The following TENM2 variants were observed in gnomAD, a reference collection of about 807,000 sequenced individuals.
TENM2 encodes teneurin-2.
TENM2 carries 52 observed loss-of-function variants against 245.2 expected under a neutral mutation model. The ratio of observed to expected loss-of-function variants is 0.21; its 90% CI spans 0.17 to 0.27. The LOEUF (loss-of-function observed/expected upper bound fraction) is 0.27, where lower values mean the gene tolerates loss of function less well. Among genes scored for constraint, TENM2 ranks in the 10% least tolerant of loss-of-function variants. The probability of loss-of-function intolerance (pLI) is 1.00; values close to 1 mark genes in which losing one functional copy is unlikely to be tolerated. For missense variants in TENM2, 3,046 were observed against 3,666.8 expected (o/e 0.83, Z 4.37); for synonymous variants, 1,363 against 1,438.9 (o/e 0.95, Z 1.19).
At chr5:167,889,676 T>C (rs943476785) in intron 3 of TENM2, among the ~76,000 whole-genome samples, 1 of 152,154 alleles carries the variant, frequency 6.6e-6, no homozygotes, top group Non-Finnish European at 1.5e-5. Flanking sequence ...TTTGTGACTC[T>C]CCCTCTTTCT....
chr5:167,788,850 C>A (rs561417217), intron 2 of TENM2, among the ~76,000 whole-genome samples: 1 of 152,152 alleles, frequency 6.6e-6, no homozygotes, highest in Non-Finnish European at 1.5e-5. Flanking sequence ...AAGTGACTTA[C>A]GTCACTCCTT....
intron 1 of TENM2, among the ~76,000 whole-genome samples, chr5:167,371,702 C>T (rs1479004562): frequency 6.6e-6 from 1 of 151,990 alleles, no homozygotes; most frequent in Non-Finnish European, 1.5e-5. Flanking sequence ...ATGGATTGCA[C>T]TTTGTTTATG....
the TENM2 span, among the ~76,000 whole-genome samples, chr5:167,057,132 G>A: frequency 6.6e-6 from 1 of 152,038 alleles, no homozygotes; most frequent in Non-Finnish European, 1.5e-5. Context: ...CCAGTTAATA[G>A]TATTCTTTAT....
rs1287294283 is a variant in TENM2, at chr5:167,808,832, G to A, written c.503-67154G>A. On this transcript the variant is annotated intron_variant, in intron 2 of 28. Coordinates refer to ENST00000518659, the Ensembl canonical transcript of TENM2. ...TTAAATATTGAGAACTTCAGGAGGA[G>A]GTGTCCTATTCATTCAGTCATTTAT... 2.6e-5 allele frequency among the ~76,000 whole-genome samples: 4 copies of A among 152,060 alleles called. No individual in the cohort carries two copies. In the South Asian group the frequency reaches 8.3e-4, roughly 32 times the overall value.
At chr5:167,445,859 A>G (rs1765178082) in intron 2 of TENM2, among the ~76,000 whole-genome samples, 1 of 152,136 alleles carries the variant, frequency 6.6e-6, no homozygotes, top group South Asian at 2.1e-4. Flanking sequence ...GAGAGAAGCC[A>G]TTTCATTGTA....
chr5:167,761,645 C>T (rs115552551), intron 2 of TENM2, among the ~76,000 whole-genome samples: 1 of 152,160 alleles, frequency 6.6e-6, no homozygotes, highest in Admixed American at 6.5e-5. Context: ...AGAAAACCAT[C>T]AAGTAGCACT....
At chr5:168,197,753 A>G (rs996238645) in intron 15 of TENM2, among the ~76,000 whole-genome samples, 1 of 151,768 alleles carries the variant, frequency 6.6e-6, no homozygotes, top group African/African-American at 2.4e-5. Flanking sequence ...AATAAAGCTT[A>G]ACATTAGGAC....
At chr5:167,457,755 T>C (rs979154047) in intron 2 of TENM2, among the ~76,000 whole-genome samples, 4 of 152,232 alleles carry the variant, frequency 2.6e-5, no homozygotes, top group Non-Finnish European at 5.9e-5. Context: ...ATCTATTTTA[T>C]ACCATACACA....
At chr5:168,199,760 T>C in intron 16 of TENM2, 104 bp from the exon 19 acceptor site, 1 of 1,248,474 alleles carries the variant, frequency 8.0e-7, no homozygotes, top group South Asian at 1.4e-5. Context: ...CCACATAAGA[T>C]GTGATGCCTC....
the TENM2 span, among the ~76,000 whole-genome samples, chr5:167,162,800 C>T: frequency 2.0e-5 from 3 of 152,102 alleles, no homozygotes; most frequent in African/African-American, 4.8e-5. Flanking sequence ...CAGAAAAATG[C>T]GTAACTATGT....
At chr5:168,103,706 ATGTG>A (rs1171341784) in intron 9 of TENM2, among the ~76,000 whole-genome samples, 4 of 152,024 alleles carry the variant, frequency 2.6e-5, no homozygotes, top group Non-Finnish European at 5.9e-5. Context: ...ATAAGTGAGT[ATGTG>A]TGTGTGTGAG....
intron 2 of TENM2, among the ~76,000 whole-genome samples, chr5:167,598,070 G>A (rs1174054041): frequency 2.0e-5 from 3 of 152,216 alleles, no homozygotes; most frequent in Admixed American, 2.0e-4. Context: ...CGGGAGACCA[G>A]TGAAGCATGA....
chr5:167,438,243 T>C (rs540182050), intron 2 of TENM2, among the ~76,000 whole-genome samples: 13 of 152,358 alleles, frequency 8.5e-5, no homozygotes, highest in Admixed American at 5.2e-4. Flanking sequence ...GTTCCTCTGA[T>C]GTGCCTTTTT....
At chr5:167,524,603 C>G (rs1012010658) in intron 2 of TENM2, among the ~76,000 whole-genome samples, 2 of 151,956 alleles carry the variant, frequency 1.3e-5, no homozygotes, top group Admixed American at 6.6e-5. Flanking sequence ...TGCTTTTTAA[C>G]GAGCTCCCAA....
chr5:168,129,236 T>A (rs956728167), intron 12 of TENM2: 7 of 152,170 alleles, frequency 4.6e-5, no homozygotes, highest in African/African-American at 1.7e-4. Context: ...AGAACATAGA[T>A]GTTTCGGTCA....
chr5:167,721,260 A>C (rs1759608769), intron 2 of TENM2: 1 of 152,240 alleles, frequency 6.6e-6, no homozygotes, highest in Non-Finnish European at 1.5e-5. Context: ...CTTGAAAAAA[A>C]AAATGATGAG....
At chr5:168,043,849 A>G (rs1220769025) in intron 5 of TENM2, among the ~76,000 whole-genome samples, 1 of 152,220 alleles carries the variant, frequency 6.6e-6, no homozygotes, top group African/African-American at 2.4e-5. Context: ...GGGTGTGGTC[A>G]TTCACCAACC....
At chr5:168,177,525 A>C (rs1435955103) in intron 13 of TENM2, among the ~76,000 whole-genome samples, 1 of 152,182 alleles carries the variant, frequency 6.6e-6, no homozygotes, top group Non-Finnish European at 1.5e-5. Flanking sequence ...TATTATCTAC[A>C]CCATAGAGTA....
chr5:167,542,425 A>G (rs1772276650), intron 2 of TENM2, among the ~76,000 whole-genome samples: 1 of 152,128 alleles, frequency 6.6e-6, no homozygotes, highest in African/African-American at 2.4e-5. Flanking sequence ...AATAAGAATC[A>G]CCATGAATGG....
Sources: gnomAD v4.1 joint callset for allele counts (sites outside exome capture counted in the v4.1 genomes callset) on GRCh38, gnomAD v4.1.1 for gene constraint, MANE v1.5 for transcripts, NCBI Gene and HGNC (gene_info 2026-07-23, HGNC 2026-07-21) for gene names.